The following C7orf78 variants were observed in gnomAD, a reference collection of about 807,000 sequenced individuals.
C7orf78 encodes chromosome 7 open reading frame 78.
chr7:12,537,035 C>T, the C7orf78 span, among the ~76,000 whole-genome samples: 17 of 152,314 alleles, frequency 1.1e-4, no homozygotes, highest in East Asian at 3.3e-3. Flanking sequence ...CAACCCCTGT[C>T]TGTTACCCAG....
At chr7:12,516,603 T>A in the C7orf78 span, among the ~76,000 whole-genome samples, 2 of 152,292 alleles carry the variant, frequency 1.3e-5, no homozygotes, top group African/African-American at 4.8e-5. Flanking sequence ...AGACACTCAA[T>A]GCCAGCCCGT....
chr7:12,536,615 C>T, the C7orf78 span, among the ~76,000 whole-genome samples: 4 of 152,156 alleles, frequency 2.6e-5, no homozygotes, highest in South Asian at 2.1e-4. Context: ...CCTCAGAAAA[C>T]GCTTTTTTTC....
At chr7:12,498,797 T>A in the C7orf78 span, among the ~76,000 whole-genome samples, 5 of 149,352 alleles carry the variant, frequency 3.3e-5, no homozygotes, top group African/African-American at 1.2e-4. Context: ...TTCACCAAAG[T>A]TGAAATGAAG....
the C7orf78 span, among the ~76,000 whole-genome samples, chr7:12,492,973 T>C: frequency 6.6e-6 from 1 of 151,964 alleles, no homozygotes; most frequent in South Asian, 2.1e-4. Context: ...GAGGCCGAGG[T>C]GGGTGGATAA....
the C7orf78 span, among the ~76,000 whole-genome samples, chr7:12,521,687 G>A: frequency 8.1e-6 from 1 of 123,004 alleles, no homozygotes; most frequent in African/African-American, 3.0e-5. Context: ...TTTATTTTGA[G>A]GCCACCCTCC....
chr7:12,520,169 T>C, the C7orf78 span, among the ~76,000 whole-genome samples: 1 of 152,222 alleles, frequency 6.6e-6, no homozygotes, highest in South Asian at 2.1e-4. Context: ...GCTAACCCCT[T>C]GCTTTCTTCC....
chr7:12,493,643 T>C, the C7orf78 span, among the ~76,000 whole-genome samples: 1,214 of 152,366 alleles, frequency 8.0e-3, 10 homozygotes, highest in Non-Finnish European at 0.012. Flanking sequence ...CAGGCCAAAC[T>C]GGATGGGTTT....
the C7orf78 span, among the ~76,000 whole-genome samples, chr7:12,499,881 T>C: frequency 7.1e-6 from 1 of 141,812 alleles, no homozygotes; most frequent in Non-Finnish European, 1.5e-5. Context: ...ACAAACTATC[T>C]CTCAGACCAC....
the C7orf78 span, among the ~76,000 whole-genome samples, chr7:12,511,950 T>G: frequency 2.5e-5 from 3 of 122,282 alleles, no homozygotes; most frequent in African/African-American, 3.1e-5. Context: ...TTTTTTTTTG[T>G]ATTTTCAGTA....
chr7:12,522,017 T>G, the C7orf78 span, among the ~76,000 whole-genome samples: 1 of 152,078 alleles, frequency 6.6e-6, no homozygotes, highest in South Asian at 2.1e-4. Flanking sequence ...TACAAATTTT[T>G]GAAAATGGAC....
At chr7:12,492,875 C>T in the C7orf78 span, among the ~76,000 whole-genome samples, 1 of 152,176 alleles carries the variant, frequency 6.6e-6, no homozygotes, top group Non-Finnish European at 1.5e-5. Context: ...ATGTGTTTTG[C>T]AGTATCTGAC....
At chr7:12,522,499 A>T in the C7orf78 span, among the ~76,000 whole-genome samples, 1 of 152,130 alleles carries the variant, frequency 6.6e-6, no homozygotes, top group African/African-American at 2.4e-5. Flanking sequence ...AATTTCACAT[A>T]CTTTCTACTT....
chr7:12,528,977 A>C, the C7orf78 span: 2 of 398,536 alleles, frequency 5.0e-6, no homozygotes, highest in African/African-American at 4.1e-5. Context: ...AAGCATTGTG[A>C]ATGCACCTGG....
At chr7:12,496,781 T>C in the C7orf78 span, 1 of 152,238 alleles carries the variant, frequency 6.6e-6, no homozygotes, top group East Asian at 1.9e-4. Flanking sequence ...GAACCATATG[T>C]ATCTCTATGC....
At chr7:12,533,175 A>C in the C7orf78 span, among the ~76,000 whole-genome samples, 408 of 152,234 alleles carry the variant, frequency 2.7e-3, 5 homozygotes, top group African/African-American at 9.4e-3. Flanking sequence ...GTCCATCAGC[A>C]AAAGTTTCTT....
the C7orf78 span, among the ~76,000 whole-genome samples, chr7:12,519,386 G>C: frequency 6.6e-6 from 1 of 152,178 alleles, no homozygotes; most frequent in African/African-American, 2.4e-5. Context: ...GAAATGCAGA[G>C]AAGGAAAGAG....
the C7orf78 span, among the ~76,000 whole-genome samples, chr7:12,497,238 G>A: frequency 6.6e-6 from 1 of 152,068 alleles, no homozygotes; most frequent in Non-Finnish European, 1.5e-5. Context: ...TGGCCGAATA[G>A]GAACAGCTCC....
chr7:12,532,927 CT>C, the C7orf78 span, among the ~76,000 whole-genome samples: 2 of 152,148 alleles, frequency 1.3e-5, no homozygotes, highest in African/African-American at 4.8e-5. Flanking sequence ...GACCAGAAAG[CT>C]GTCTCCAGAT....
At chr7:12,503,369 G>T in the C7orf78 span, among the ~76,000 whole-genome samples, 1 of 151,704 alleles carries the variant, frequency 6.6e-6, no homozygotes, top group Middle Eastern at 3.2e-3. Context: ...TGTCATAATG[G>T]TGCTTATGTT....
Sources: allele counts gnomAD v4.1 joint callset (sites outside exome capture counted in the v4.1 genomes callset), GRCh38; gene constraint gnomAD v4.1.1; transcripts MANE v1.5; gene names NCBI Gene and HGNC (gene_info 2026-07-23, HGNC 2026-07-21).